The following ERBB4 variants were observed in gnomAD, a reference collection of about 807,000 sequenced individuals.
ERBB4 encodes receptor tyrosine-protein kinase erbB-4.
ERBB4 carries 42 observed loss-of-function variants against 158.0 expected under a neutral mutation model. That is an observed-to-expected ratio of 0.27 (90% CI 0.21 to 0.34). The LOEUF (loss-of-function observed/expected upper bound fraction) is 0.34, where lower values mean the gene tolerates loss of function less well. Ranked by LOEUF, ERBB4 falls within the 10% of genes least tolerant of loss-of-function variation. The pLI is 1.00. For synonymous variants in ERBB4, 583 were observed against 558.7 expected (o/e 1.04, Z -0.61); for missense variants, 1,333 against 1,624.1 (o/e 0.82, Z 3.08).
At chr2:212,002,636 G>T (rs2076133184) in intron 2 of ERBB4, among the ~76,000 whole-genome samples, 1 of 152,156 alleles carries the variant, frequency 6.6e-6, no homozygotes. Context: ...AGAAACTGAT[G>T]ATGATACAAA....
At chr2:211,395,403 C>A (rs1471381323) in intron 25 of ERBB4, among the ~76,000 whole-genome samples, 1 of 151,990 alleles carries the variant, frequency 6.6e-6, no homozygotes, top group Non-Finnish European at 1.5e-5. Flanking sequence ...GAGTTCCCAT[C>A]CAATGTACAA....
chr2:212,312,396 T>C (rs2087087636), intron 1 of ERBB4, among the ~76,000 whole-genome samples: 1 of 150,972 alleles, frequency 6.6e-6, no homozygotes, highest in Non-Finnish European at 1.5e-5. Flanking sequence ...ATGCAGTTTG[T>C]CCATGAAATT....
rs1167447326 is a variant in ERBB4 at position 212,106,719 on chromosome 2, AATGGTTTT to A, written c.234+18025_234+18032del. 1.0e-3 allele frequency among the ~76,000 whole-genome samples: 156 copies of A among 152,306 alleles called. 1 individual carries two copies. The highest frequency in any genetic ancestry group is 3.3e-3 in the African/African-American group (136 of 41,586). ...CAGGCCTGGAGGCCTAGGAGGGAAA[AATGGTTTT>A]ATGGGCCTGGCCCAGGGTCCCTCTG... On this transcript the variant is annotated intron_variant, in intron 2 of 27. Transcript: ENST00000342788.
chr2:211,785,183 G>A (rs2076131575), intron 4 of ERBB4, among the ~76,000 whole-genome samples: 1 of 150,436 alleles, frequency 6.6e-6, no homozygotes, highest in African/African-American at 2.4e-5. Flanking sequence ...CTCACTGCAA[G>A]CCCCGCCTCC....
intron 2 of ERBB4, among the ~76,000 whole-genome samples, chr2:211,952,185 G>A (rs1268962471): frequency 6.6e-6 from 1 of 152,012 alleles, no homozygotes; most frequent in Non-Finnish European, 1.5e-5. Flanking sequence ...GGTATTCATA[G>A]TCACATTCTC....
chr2:211,644,836 A>C (rs545900602), intron 16 of ERBB4, among the ~76,000 whole-genome samples: 11 of 152,054 alleles, frequency 7.2e-5, no homozygotes, highest in Non-Finnish European at 1.5e-4. Context: ...ATATCTATAG[A>C]CTTTCTTCTT....
intron 20 of ERBB4, among the ~76,000 whole-genome samples, chr2:211,521,963 A>C (rs2066197278): frequency 6.6e-6 from 1 of 152,184 alleles, no homozygotes; most frequent in Non-Finnish European, 1.5e-5. Context: ...CAATACATCT[A>C]GTCATCCAAG....
chr2:211,525,894 T>C (rs1401786159), intron 20 of ERBB4, among the ~76,000 whole-genome samples: 1 of 152,050 alleles, frequency 6.6e-6, no homozygotes, highest in Non-Finnish European at 1.5e-5. Flanking sequence ...GGAAGGACTA[T>C]GTCTTATGGT....
intron 2 of ERBB4, among the ~76,000 whole-genome samples, chr2:212,023,400 G>A (rs1037650559): frequency 3.9e-5 from 6 of 152,106 alleles, no homozygotes; most frequent in Non-Finnish European, 1.5e-5. Context: ...ATTTCCAGAT[G>A]TTTATCTCTT....
chr2:212,024,471 TTCACACAGAAGTTCTAAGACAGAAACAG>T (rs1313269605), intron 2 of ERBB4, among the ~76,000 whole-genome samples: 220 of 152,106 alleles, frequency 1.4e-3, no homozygotes, highest in African/African-American at 5.1e-3. Context: ...TTGCTTCGTG[TTCACACAGAAGTTCTAAGACAGAAACAG>T]GCTCAAGTTG....
At chr2:211,973,391 C>T (rs1038147559) in intron 2 of ERBB4, among the ~76,000 whole-genome samples, 16 of 151,882 alleles carry the variant, frequency 1.1e-4, no homozygotes, top group African/African-American at 2.9e-4. Flanking sequence ...TTAGTAGAGA[C>T]GGGGTTTCAC....
chr2:211,518,725 T>C (rs935159077), intron 20 of ERBB4, among the ~76,000 whole-genome samples: 1 of 152,028 alleles, frequency 6.6e-6, no homozygotes, highest in African/African-American at 2.4e-5. Context: ...CTGTAGACGA[T>C]TTTAAACTGT....
chr2:211,910,706 T>G (rs570384837), intron 3 of ERBB4, among the ~76,000 whole-genome samples: 22 of 152,014 alleles, frequency 1.4e-4, no homozygotes, highest in Non-Finnish European at 1.6e-4. Context: ...CAAACGGCAT[T>G]TGTACCCCTA....
At chr2:211,966,135 G>A (rs1390244851) in intron 2 of ERBB4, among the ~76,000 whole-genome samples, 4 of 152,142 alleles carry the variant, frequency 2.6e-5, no homozygotes, top group South Asian at 2.1e-4. Context: ...GACTGCATGA[G>A]CCCAAGAGAT....
At position 212,196,126 on chromosome 2, in the gene ERBB4, C is replaced by T. The variant is rs184541408; in HGVS notation, c.83-71223G>A. ...AAAATCTATGGGTAACTTTCGATTCCCCTAAAACTTAATTACTAATACTCT... is the reference window on the plus strand; with the variant it reads ...AAAATCTATGGGTAACTTTCGATTCTCCTAAAACTTAATTACTAATACTCT... On this transcript the variant is annotated intron_variant, in intron 1 of 27. Transcript: ENST00000342788. Among the ~76,000 whole-genome samples the T allele has an allele frequency of 1.4e-3, 213 of 152,090 alleles. 1 individual carries two copies. Among genetic ancestry groups the T allele is most frequent in the African/African-American group, 4.7e-3 (197 of 41,490 alleles).
intron 2 of ERBB4, among the ~76,000 whole-genome samples, chr2:212,113,126 T>G (rs968832395): frequency 1.3e-5 from 2 of 152,018 alleles, no homozygotes; most frequent in African/African-American, 2.4e-5. Flanking sequence ...CAGATCGAAT[T>G]TGGGGGAGCA....
At chr2:212,056,122 G>A (rs1184530292) in intron 2 of ERBB4, among the ~76,000 whole-genome samples, 1 of 152,182 alleles carries the variant, frequency 6.6e-6, no homozygotes, top group Admixed American at 6.5e-5. Flanking sequence ...CGAGAACTAC[G>A]TGACGAATAC....
intron 16 of ERBB4, among the ~76,000 whole-genome samples, chr2:211,656,189 G>A (rs1244236350): frequency 1.3e-5 from 2 of 152,116 alleles, no homozygotes; most frequent in Non-Finnish European, 2.9e-5. Flanking sequence ...TAGCTTCCAG[G>A]GCTCTGTTGC....
chr2:211,457,435 C>T (rs1462278241), intron 20 of ERBB4, among the ~76,000 whole-genome samples: 1 of 152,140 alleles, frequency 6.6e-6, no homozygotes, highest in East Asian at 1.9e-4. Context: ...CAGAAAGAAG[C>T]AATCATGTTT....
Sources: gnomAD v4.1 joint callset for allele counts (sites outside exome capture counted in the v4.1 genomes callset) on GRCh38, gnomAD v4.1.1 for gene constraint, MANE v1.5 for transcripts, NCBI Gene and HGNC (gene_info 2026-07-23, HGNC 2026-07-21) for gene names.